Variants in DMD observed in about 807,000 individuals in gnomAD.
DMD encodes mutant dystrophin.
A neutral mutation model predicts 330.1 loss-of-function variants in DMD; 63 were observed. The ratio of observed to expected loss-of-function variants is 0.19; its 90% confidence interval spans 0.16 to 0.24. The LOEUF is 0.24. DMD is among the 10% of genes least tolerant of loss of function. The probability of loss-of-function intolerance (pLI) is 1.00; values close to 1 mark genes in which losing one functional copy is unlikely to be tolerated. For missense variants in DMD, 3,344 were observed against 2,684.1 expected (o/e 1.25, Z -5.43); for synonymous variants, 1,223 against 959.8 (o/e 1.27, Z -5.07).
chrX:31,367,847 C>T (rs779138210), intron 60 of DMD, among the ~76,000 whole-genome samples: 38 of 111,828 alleles, frequency 3.4e-4, no homozygotes, highest in Non-Finnish European at 6.2e-4. Flanking sequence ...GACACAAAGC[C>T]TATCCTGCTT....
At chrX:31,592,380 C>A (rs865862147) in intron 55 of DMD, among the ~76,000 whole-genome samples, 2 of 92,212 alleles carry the variant, frequency 2.2e-5, no homozygotes, top group Admixed American at 1.2e-4. Context: ...CATATATATT[C>A]TATATATATA....
chrX:31,258,508 G>A (rs1006783293), intron 63 of DMD, among the ~76,000 whole-genome samples: 1 of 112,689 alleles, frequency 8.9e-6, no homozygotes, highest in Non-Finnish European at 1.9e-5. Context: ...TATTGGGCTA[G>A]CAAGAAACAG....
chrX:33,157,052 T>C (rs1418652812), intron 1 of DMD, among the ~76,000 whole-genome samples: 1 of 112,215 alleles, frequency 8.9e-6, no homozygotes, highest in African/African-American at 3.2e-5. Context: ...TAAATTCATT[T>C]CCATGATGTA....
intron 16 of DMD, among the ~76,000 whole-genome samples, chrX:32,563,001 T>TTCTAGCCCACAATAGGAGCGTGTG (rs2051208077): frequency 2.7e-5 from 3 of 111,404 alleles, no homozygotes; most frequent in South Asian, 3.8e-4. Context: ...TTTTATTTAT[T>TTCTAGCCCACAATAGGAGCGTGTG]TCTAGCCCAC....
chrX:33,151,278 G>A (rs891089907), intron 1 of DMD, among the ~76,000 whole-genome samples: 1 of 112,273 alleles, frequency 8.9e-6, no homozygotes, highest in Non-Finnish European at 1.9e-5. Flanking sequence ...GCCAGAGTCA[G>A]GTAGTATAAG....
chrX:32,954,390 A>C lies in DMD; in HGVS notation c.93+65749T>G, dbSNP rs182822681. 2.6e-3 allele frequency among the ~76,000 whole-genome samples: 291 copies of C among 111,759 alleles called. 3 individuals carry two copies. Among genetic ancestry groups the C allele is most frequent in the Non-Finnish European group, 7.7e-4 (41 of 53,180 alleles). On this transcript the variant is annotated intron_variant, in intron 2 of 78. Coordinates refer to ENST00000357033, the MANE Select transcript of DMD (RefSeq NM_004006.3). ...CAGCTAAAGGAATGCTGATGGTGGT[A>C]GTGGTGGTGGTGGGCATCCACTGTC...
chrX:32,621,055 G>A (rs1419539763), intron 11 of DMD, among the ~76,000 whole-genome samples: 2 of 111,406 alleles, frequency 1.8e-5, no homozygotes, highest in Admixed American at 9.6e-5. Context: ...GAGGGCCACA[G>A]ATAATACATA....
At chrX:32,405,480 A>G (rs2098112386) in intron 30 of DMD, among the ~76,000 whole-genome samples, 1 of 104,644 alleles carries the variant, frequency 9.6e-6, no homozygotes, top group African/African-American at 3.6e-5. Flanking sequence ...ATATATTTCC[A>G]TATCTAGAAG....
At chrX:31,905,517 AT>A (rs1569507136) in intron 47 of DMD, among the ~76,000 whole-genome samples, 2 of 110,994 alleles carry the variant, frequency 1.8e-5, no homozygotes. Context: ...AAAATGGAGA[AT>A]TTCCTACCTT....
intron 72 of DMD, among the ~76,000 whole-genome samples, chrX:31,173,210 T>A (rs745884841): frequency 9.0e-6 from 1 of 111,488 alleles, no homozygotes; most frequent in South Asian, 3.8e-4. Context: ...CATTTTTTCA[T>A]ATATGAATGT....
At chrX:32,125,835 G>A (rs5927938) in intron 44 of DMD, among the ~76,000 whole-genome samples, 44,892 of 110,581 alleles carry the variant, frequency 0.41, 6,779 homozygotes, top group African/African-American at 0.48. Context: ...CAAGAACTCA[G>A]GTCTTCTGAG....
chrX:32,630,690 C>T, intron 11 of DMD, among the ~76,000 whole-genome samples: 1 of 111,522 alleles, frequency 9.0e-6, no homozygotes, highest in Admixed American at 9.6e-5. Context: ...ATTTCAATCC[C>T]TTTGTTAAAT....
At chrX:31,906,631 G>T (rs1472115110) in intron 47 of DMD, among the ~76,000 whole-genome samples, 1 of 111,767 alleles carries the variant, frequency 8.9e-6, no homozygotes, top group Non-Finnish European at 1.9e-5. Flanking sequence ...TTCTATTATT[G>T]ACATCATAAC....
At chrX:33,149,913 G>A (rs2048198386) in intron 1 of DMD, among the ~76,000 whole-genome samples, 1 of 111,617 alleles carries the variant, frequency 9.0e-6, no homozygotes, top group Admixed American at 9.6e-5. Context: ...AAGCTATTAA[G>A]TTTTATAATA....
intron 5 of DMD, among the ~76,000 whole-genome samples, chrX:32,818,386 A>G (rs1053796743): frequency 3.6e-5 from 4 of 111,405 alleles, no homozygotes; most frequent in Non-Finnish European, 7.5e-5. Flanking sequence ...CAGACAAAAA[A>G]AAATAATAAA....
rs1408614023 is a variant in DMD at position 32,627,021 on chromosome X, GC to G, written c.1332-12569del. 5.8e-5 allele frequency among the ~76,000 whole-genome samples: 6 copies of G among 104,126 alleles called. No individual in the cohort carries two copies. The East Asian group carries it at 1.7e-3, about 30-fold the overall frequency. 90.4% of individuals were successfully genotyped at this position (104,126 alleles called of 115,157 possible). On this transcript the variant is annotated intron_variant, in intron 11 of 78. Transcript: ENST00000357033. Reference sequence around the variant, plus strand: ...GAGAACTTTTCAAAATGACGTCCCAGCCCCATTCCCCAACAATTCAATCAGA... The same window carrying G: ...GAGAACTTTTCAAAATGACGTCCCAGCCCATTCCCCAACAATTCAATCAGA...
rs151220771 is a variant in DMD at position 32,641,780 on chromosome X, T to A, written c.1331+2352A>T. ...TAGGCAGGAAATAATGGCTTCCGACTGGATCTATCCAAACCCTGTCTTAGG... is the reference window on the plus strand; with the variant it reads ...TAGGCAGGAAATAATGGCTTCCGACAGGATCTATCCAAACCCTGTCTTAGG... On this transcript the variant is annotated intron_variant, in intron 11 of 78. Coordinates refer to ENST00000357033, the MANE Select transcript of DMD (RefSeq NM_004006.3). Among the ~76,000 whole-genome samples the A allele has an allele frequency of 2.1e-4, 23 of 111,165 alleles. No homozygotes were observed. The East Asian group carries it at 5.7e-3, about 28-fold the overall frequency.
intron 2 of DMD, among the ~76,000 whole-genome samples, chrX:32,870,253 G>T (rs1354562697): frequency 9.0e-6 from 1 of 111,341 alleles, no homozygotes; most frequent in Non-Finnish European, 1.9e-5. Flanking sequence ...CCTCTTCAAG[G>T]AGAGCTACAA....
intron 55 of DMD, among the ~76,000 whole-genome samples, chrX:31,570,617 CCTT>C (rs2075757164): frequency 9.0e-6 from 1 of 111,599 alleles, no homozygotes; most frequent in Non-Finnish European, 1.9e-5. Context: ...ATCTCATTTA[CCTT>C]CTTTTGTCAA....
Sources: allele counts gnomAD v4.1 joint callset (sites outside exome capture counted in the v4.1 genomes callset), GRCh38; gene constraint gnomAD v4.1.1; transcripts MANE v1.5; gene names NCBI Gene and HGNC (gene_info 2026-07-23, HGNC 2026-07-21).